The following GPM6A variants were observed in gnomAD, a reference collection of about 807,000 sequenced individuals.
GPM6A encodes the protein glycoprotein M6A, also known as neuronal membrane glycoprotein M6-a.
Under a neutral mutation model 32.1 loss-of-function variants are expected in GPM6A, and 7 were observed. That is an observed-to-expected ratio of 0.22 (90% CI 0.12 to 0.41). The LOEUF (loss-of-function observed/expected upper bound fraction) is 0.41, where lower values mean the gene tolerates loss of function less well. Among genes scored for constraint, GPM6A ranks in the 10% least tolerant of loss-of-function variants. The pLI, the probability that GPM6A is intolerant of heterozygous loss-of-function variation, is 1.00. For missense variants in GPM6A, 235 were observed against 347.2 expected, an observed-to-expected ratio of 0.68 and a Z score of 2.57; for synonymous variants, 130 against 123.4, an observed-to-expected ratio of 1.05 and a Z score of -0.35.
At chr4:175,994,068 A>G (rs954148598) in intron 1 of GPM6A, among the ~76,000 whole-genome samples, 7 of 152,200 alleles carry the variant, frequency 4.6e-5, no homozygotes, top group African/African-American at 1.7e-4. Context: ...CTGAAGGACC[A>G]AAGGGACAGC....
intron 1 of GPM6A, among the ~76,000 whole-genome samples, chr4:175,983,681 G>A (rs543338599): frequency 8.8e-4 from 134 of 152,206 alleles, no homozygotes; most frequent in African/African-American, 2.9e-3. Flanking sequence ...GTTTCAATTT[G>A]CTTAAAATTT....
At chr4:175,826,714 A>T (rs916868362) in intron 1 of GPM6A, among the ~76,000 whole-genome samples, 1 of 152,158 alleles carries the variant, frequency 6.6e-6, no homozygotes, top group African/African-American at 2.4e-5. Context: ...ATGGCTCAGA[A>T]AAGAGAGCTT....
intron 3 of GPM6A, among the ~76,000 whole-genome samples, chr4:175,667,503 AAACAGGAAAAG>A (rs1429006743): frequency 5.9e-5 from 9 of 152,184 alleles, no homozygotes; most frequent in African/African-American, 2.2e-4. Context: ...TGGGATACTG[AAACAGGAAAAG>A]AACATTTTAC....
intron 1 of GPM6A, among the ~76,000 whole-genome samples, chr4:175,854,615 T>C (rs1560966243): frequency 3.3e-5 from 5 of 152,212 alleles, no homozygotes; most frequent in Admixed American, 1.3e-4. Context: ...GCCTTGTTAC[T>C]GCCCTGAAGG....
At chr4:175,697,887 A>G (rs1744667109) in intron 2 of GPM6A, among the ~76,000 whole-genome samples, 1 of 152,218 alleles carries the variant, frequency 6.6e-6, no homozygotes, top group South Asian at 2.1e-4. Context: ...TATGTCTAAA[A>G]TACAGATTAC....
intron 1 of GPM6A, chr4:175,805,795 C>T (rs1249476451): frequency 6.6e-6 from 1 of 152,040 alleles, no homozygotes; most frequent in Non-Finnish European, 1.5e-5. Context: ...TAACTTAATT[C>T]CCTAGTAAAC....
chr4:175,985,715 G>A (rs1456552716), intron 1 of GPM6A, among the ~76,000 whole-genome samples: 1 of 152,100 alleles, frequency 6.6e-6, no homozygotes, highest in Non-Finnish European at 1.5e-5. Context: ...TCCCAGATCA[G>A]TTTATAACCA....
intron 1 of GPM6A, among the ~76,000 whole-genome samples, chr4:175,939,687 G>T (rs1739344991): frequency 6.6e-6 from 1 of 152,112 alleles, no homozygotes; most frequent in South Asian, 2.1e-4. Flanking sequence ...AATTCAGCTA[G>T]AAGTTAAAAT....
At chr4:175,774,675 C>T (rs928731353) in intron 1 of GPM6A, among the ~76,000 whole-genome samples, 2 of 151,970 alleles carry the variant, frequency 1.3e-5, no homozygotes, top group African/African-American at 4.8e-5. Context: ...TGGTAAGATC[C>T]TTGTCACAAT....
chr4:175,853,696 AAG>A (rs1736332211), intron 1 of GPM6A, among the ~76,000 whole-genome samples: 1 of 152,104 alleles, frequency 6.6e-6, no homozygotes, highest in Non-Finnish European at 1.5e-5. Flanking sequence ...CCCAACAAAT[AAG>A]AGTTGTGGCA....
At chr4:175,781,191 G>A (rs536374730) in intron 1 of GPM6A, 1 of 151,944 alleles carries the variant, frequency 6.6e-6, no homozygotes, top group Non-Finnish European at 1.5e-5. Context: ...TTAATAACAC[G>A]ACTCAAACAA....
chr4:175,635,624 G>A (rs369246780), intron 6 of GPM6A, among the ~76,000 whole-genome samples: 2 of 152,006 alleles, frequency 1.3e-5, no homozygotes, highest in African/African-American at 4.8e-5. Context: ...TTTTTTATAT[G>A]TATATACATT....
At chr4:175,812,311 T>TG, upstream of GPM6A, 3 of 1,152,058 alleles carry the variant, frequency 2.6e-6, no homozygotes, top group Non-Finnish European at 3.3e-6. Flanking sequence ...GTTTTTTTTT[T>TG]TTTTTTTTTT....
At chr4:175,961,965 T>C (rs1579667421) in intron 1 of GPM6A, 1 of 499,158 alleles carries the variant, frequency 2.0e-6, no homozygotes, top group East Asian at 4.1e-5. Flanking sequence ...CACCCAACCT[T>C]ACCACCACAG....
intron 1 of GPM6A, among the ~76,000 whole-genome samples, chr4:175,894,280 A>T (rs1737731403): frequency 6.6e-6 from 1 of 152,178 alleles, no homozygotes; most frequent in Non-Finnish European, 1.5e-5. Flanking sequence ...GACCAAATTA[A>T]GTGTTCTCAG....
intron 1 of GPM6A, among the ~76,000 whole-genome samples, chr4:175,876,969 G>A (rs184272352): frequency 1.7e-3 from 254 of 152,292 alleles, no homozygotes; most frequent in Non-Finnish European, 3.0e-3. Context: ...TAAACAGAGT[G>A]TGCCTCAAAG....
intron 1 of GPM6A, among the ~76,000 whole-genome samples, chr4:175,958,927 C>T (rs1561011882): frequency 1.3e-5 from 2 of 152,128 alleles, no homozygotes; most frequent in Non-Finnish European, 2.9e-5. Flanking sequence ...TTTCACCTAC[C>T]TGCAAATGTA....
chr4:175,895,895 T>C (rs1737781280), intron 1 of GPM6A, among the ~76,000 whole-genome samples: 1 of 152,208 alleles, frequency 6.6e-6, no homozygotes. Context: ...CCTGAAATAT[T>C]TGATCTACTT....
At chr4:175,718,946 A>T (rs953275819) in intron 1 of GPM6A, among the ~76,000 whole-genome samples, 1 of 152,204 alleles carries the variant, frequency 6.6e-6, no homozygotes, top group Non-Finnish European at 1.5e-5. Context: ...TTAGAAATTA[A>T]AAAATTCAAA....
Sources: allele counts gnomAD v4.1 joint callset (sites outside exome capture counted in the v4.1 genomes callset), GRCh38; gene constraint gnomAD v4.1.1; transcripts MANE v1.5; gene names NCBI Gene and HGNC (gene_info 2026-07-23, HGNC 2026-07-21).